The following CDYL variants were observed in gnomAD, a reference collection of about 807,000 sequenced individuals.
CDYL encodes chromodomain Y-like protein.
Under a neutral mutation model 47.3 loss-of-function variants are expected in CDYL, and 8 were observed. The observed-to-expected ratio is 0.17, with a 90% CI of 0.10 to 0.31. CDYL has a LOEUF of 0.31. Ranked by LOEUF, CDYL falls within the 10% of genes least tolerant of loss-of-function variation. CDYL has a pLI of 1.00. For missense variants in CDYL, 471 were observed against 701.4 expected, an observed-to-expected ratio of 0.67 and a Z score of 3.71; for synonymous variants, 266 against 265.0, an observed-to-expected ratio of 1.00 and a Z score of -0.04.
At position 4,838,809 on chromosome 6, in the gene CDYL, C is replaced by T. The variant is rs149645188; in HGVS notation, c.25-52904C>T. On this transcript the variant is annotated intron_variant, in intron 1 of 6. Coordinates refer to ENST00000397588, the MANE Select transcript of CDYL (RefSeq NM_004824.4). ...TCAAGCGATTCTCCTGCCTCAGCCT[C>T]GTGAGTTTCTGGGATTACAGGTGAG... is the stretch of plus-strand genomic sequence containing the variant. Among the ~76,000 whole-genome samples the T allele has an allele frequency of 6.7e-3, 1,014 of 152,164 alleles. 9 individuals carry two copies. Among genetic ancestry groups the T allele is most frequent in the Non-Finnish European group, 0.011 (736 of 67,988 alleles).
intron 1 of CDYL, among the ~76,000 whole-genome samples, chr6:4,814,550 GTC>G (rs1170369179): frequency 6.6e-6 from 1 of 152,066 alleles, no homozygotes; most frequent in Admixed American, 6.5e-5. Context: ...TGGAGACAGG[GTC>G]TTGTTCTGTT....
At chr6:4,861,547 G>C (rs1190626570) in intron 1 of CDYL, among the ~76,000 whole-genome samples, 1 of 152,204 alleles carries the variant, frequency 6.6e-6, no homozygotes, top group Non-Finnish European at 1.5e-5. Flanking sequence ...CTGTAGGACA[G>C]GAAATGGAAA....
At chr6:4,836,579 A>G (rs527431306) in intron 1 of CDYL, among the ~76,000 whole-genome samples, 1 of 152,306 alleles carries the variant, frequency 6.6e-6, no homozygotes, top group Non-Finnish European at 1.5e-5. Flanking sequence ...AAAGTCCTTT[A>G]AAAGATTGCT....
intron 3 of CDYL, among the ~76,000 whole-genome samples, chr6:4,741,597 T>C (rs1269581673): frequency 6.6e-6 from 1 of 152,184 alleles, no homozygotes; most frequent in East Asian, 1.9e-4. Flanking sequence ...GGGAAGGGCA[T>C]GGTTCTACTC....
At position 4,776,755 on chromosome 6, in the gene CDYL, C is replaced by G. The variant is rs1292316011; in HGVS notation, c.-29C>G. Reference sequence around the variant, plus strand: ...GCGCCGGCGCCCGCCCCGACCCTGCCCCTCCCGCCCGCAACTCCGCCGCCC... The same window carrying G: ...GCGCCGGCGCCCGCCCCGACCCTGCGCCTCCCGCCCGCAACTCCGCCGCCC... On this transcript the variant is annotated 5_prime_UTR_variant, in exon 1 of 7. Transcript: ENST00000397588. 1 of 1,246,322 alleles carries G rather than the reference C, an allele frequency of 8.0e-7. No individual in the cohort carries two copies. The highest frequency in any genetic ancestry group is 1.0e-6 in the Non-Finnish European group (1 of 968,408). 77.2% of individuals were successfully genotyped at this position (1,246,322 alleles called of 1,614,324 possible). A position where few individuals can be genotyped will look rare whatever the true frequency, so the allele number is the denominator to read the frequency against.
At chr6:4,782,764 G>A (rs1429265560) in intron 1 of CDYL, among the ~76,000 whole-genome samples, 1 of 152,124 alleles carries the variant, frequency 6.6e-6, no homozygotes, top group African/African-American at 2.4e-5. Flanking sequence ...AAACTGCATC[G>A]AGACCTTTGA....
At chr6:4,897,785 T>TTTCTG (rs1762325586) in intron 2 of CDYL, among the ~76,000 whole-genome samples, 1 of 13,444 alleles carries the variant, frequency 7.4e-5, no homozygotes, top group Non-Finnish European at 2.3e-4. Flanking sequence ...GTTTTGAAGG[T>TTTCTG]TTTTGTTTTT....
chr6:4,780,884 C>A (rs752437416), intron 1 of CDYL, among the ~76,000 whole-genome samples: 1 of 152,136 alleles, frequency 6.6e-6, no homozygotes, highest in South Asian at 2.1e-4. Flanking sequence ...AGTCAAGTAA[C>A]CACCATGAGA....
In CDYL at chr6:4,734,636, GA is replaced by G. The variant is rs1472451126; in HGVS notation, c.104-125del. 12 of 1,290,362 alleles carry G rather than the reference GA, an allele frequency of 9.3e-6. No individual in the cohort carries two copies. In the East Asian group the frequency reaches 3.0e-4, roughly 32 times the overall value. The allele number at this position is 1,290,362 out of a possible 1,614,324, so 79.9% of individuals were successfully genotyped here. A position where few individuals can be genotyped will look rare whatever the true frequency, so the allele number is the denominator to read the frequency against. ...AGAGACCAGTTTCTATGTTCAGTTAGACTCCTAATTCAGGAAGGGGAGGGCA... is the reference window on the plus strand; with the variant it reads ...AGAGACCAGTTTCTATGTTCAGTTAGCTCCTAATTCAGGAAGGGGAGGGCA... On this transcript the variant is annotated intron_variant, in intron 2 of 8. Coordinates refer to the CDYL transcript ENST00000328908.
intron 2 of CDYL, 118 bp downstream of exon 2, chr6:4,892,497 C>G (rs879119621): frequency 1.2e-5 from 13 of 1,080,642 alleles, no homozygotes; most frequent in East Asian, 2.5e-5. Context: ...TCTGCTGGAG[C>G]CTTGCAGAGA....
At chr6:4,902,132 C>T (rs894155461) in intron 2 of CDYL, among the ~76,000 whole-genome samples, 2 of 152,120 alleles carry the variant, frequency 1.3e-5, no homozygotes, top group Non-Finnish European at 2.9e-5. Context: ...GGTGCAGTGG[C>T]TCACACCTGT....
At chr6:4,891,677 A>AT (rs776094407) in intron 1 of CDYL, 36 bp from the exon 2 acceptor site, 7 of 1,530,704 alleles carry the variant, frequency 4.6e-6, no homozygotes, top group African/African-American at 2.8e-5. Context: ...CCAAATTTTG[A>AT]TTTTTTTAAA....
intron 3 of CDYL, among the ~76,000 whole-genome samples, chr6:4,749,417 G>T (rs1199608307): frequency 6.6e-6 from 1 of 151,978 alleles, no homozygotes; most frequent in Non-Finnish European, 1.5e-5. Flanking sequence ...ATGTATGATG[G>T]ATGGATGGAT....
upstream of CDYL, among the ~76,000 whole-genome samples, chr6:4,775,675 C>T (rs1758419105): frequency 6.7e-6 from 1 of 149,492 alleles, no homozygotes; most frequent in African/African-American, 2.4e-5. This position sits in a 1 kb window ranked among gnomAD's most constrained non-coding sequence, Gnocchi z 7.0. Flanking sequence ...GATCCCACCC[C>T]CGGCCTGCCG....
chr6:4,873,562 A>G lies in CDYL; in HGVS notation c.25-18151A>G, dbSNP rs918897134. 3.2e-4 allele frequency among the ~76,000 whole-genome samples: 49 copies of G among 152,344 alleles called. 1 individual carries two copies. The highest frequency in any genetic ancestry group is 3.0e-3 in the Admixed American group (46 of 15,302). On this transcript the variant is annotated intron_variant, in intron 1 of 6. Transcript: ENST00000397588. ...CTGTGCAATTTTTAATGGGATGGAT[A>G]GAAATTCACGCTTGTTAATAACTTA... is the stretch of plus-strand genomic sequence containing the variant.
At chr6:4,840,737 T>A (rs1317931784) in intron 1 of CDYL, among the ~76,000 whole-genome samples, 1 of 152,224 alleles carries the variant, frequency 6.6e-6, no homozygotes, top group Admixed American at 6.5e-5. Flanking sequence ...CATCCTGATA[T>A]GAAACCCACT....
In CDYL at chr6:4,852,551, CCTTCCTTCCAAT is replaced by C. The variant is rs1312146104; in HGVS notation, c.25-39152_25-39141del. Among the ~76,000 whole-genome samples the C allele has an allele frequency of 1.5e-3, 214 of 139,774 alleles. 7 individuals are homozygous for C. Among genetic ancestry groups the C allele is most frequent in the African/African-American group, 6.0e-3 (207 of 34,218 alleles). 91.7% of individuals were successfully genotyped at this position (139,774 alleles called of 152,430 possible). ...TCCTTCCAATCTTCCTTCCTTCCTTCCTTCCTTCCAATCTTCCTTCCTTCCTTCCAATCTTCC... is the reference window on the plus strand; with the variant it reads ...TCCTTCCAATCTTCCTTCCTTCCTTCCTTCCTTCCTTCCTTCCAATCTTCC... On this transcript the variant is annotated intron_variant, in intron 1 of 6. Coordinates refer to ENST00000397588, the MANE Select transcript of CDYL (RefSeq NM_004824.4).
At chr6:4,854,141 G>A (rs1027035996) in intron 1 of CDYL, among the ~76,000 whole-genome samples, 2 of 151,738 alleles carry the variant, frequency 1.3e-5, no homozygotes, top group African/African-American at 2.4e-5. Context: ...ACTCATCTTC[G>A]TAGGCTGCTA....
chr6:4,878,930 A>G (rs942311674), intron 1 of CDYL, among the ~76,000 whole-genome samples: 3 of 152,038 alleles, frequency 2.0e-5, no homozygotes, highest in Non-Finnish European at 2.9e-5. Flanking sequence ...AGTATTTTCT[A>G]ACATTTTTTG....
Sources: gnomAD v4.1 joint callset for allele counts (sites outside exome capture counted in the v4.1 genomes callset) on GRCh38, gnomAD v4.1.1 for gene constraint, Gnocchi (gnomAD v3.1) non-coding constraint, MANE v1.5 for transcripts, NCBI Gene and HGNC (gene_info 2026-07-23, HGNC 2026-07-21) for gene names.